The following SET variants were observed in gnomAD, a reference collection of about 807,000 sequenced individuals.
SET encodes SET nuclear proto-oncogene.
In SET, 4 loss-of-function variants were observed where a neutral mutation model predicts 39.0. The observed-to-expected ratio is 0.10, with a 90% CI of 0.05 to 0.23. The LOEUF is 0.23. SET is among the 10% of genes least tolerant of loss of function. SET has a pLI of 1.00. For missense variants in SET, 137 were observed against 329.7 expected (o/e 0.42, Z 4.53); for synonymous variants, 114 against 115.9 (o/e 0.98, Z 0.11).
Position 128,693,957 on chromosome 9 carries a change from A to T in SET, c.725A>T (p.Glu242Val), listed in dbSNP as rs1294476257. Residue 242 changes from glutamate to valine, a missense_variant, in exon 7 of 8, where the codon GAG becomes GTG. Glu to Val is a moderately radical substitution (Grantham distance 121, BLOSUM62 -2). Around this residue, in one of 3 missense-constraint regions of SET, gnomAD observed 44 missense variants for 63.0 expected, o/e 0.70. Coordinates refer to ENST00000322030, the MANE Select transcript of SET (RefSeq NM_003011.4). ...GEEDDDDDEE[E>V]EGLEDIDEEG... ...GAAGATGATGATGATGATGAAGAGGAGGAAGGATTAGAAGATATTGACGAA... is the reference window on the plus strand; with the variant it reads ...GAAGATGATGATGATGATGAAGAGGTGGAAGGATTAGAAGATATTGACGAA... 8 of 1,549,740 alleles carry T rather than the reference A, an allele frequency of 5.2e-6. No individual in the cohort carries two copies. In the Admixed American group the frequency reaches 1.3e-4, roughly 26 times the overall value.
At chr9:128,692,419 A>C (rs993187639) in intron 3 of SET, 11 of 262,810 alleles carry the variant, frequency 4.2e-5, no homozygotes, top group African/African-American at 2.6e-4. Flanking sequence ...AAAAAAAAAA[A>C]AAACCTCAAA....
Position 128,694,958 on chromosome 9 carries a change from A to T in SET, c.*294A>T, listed in dbSNP as rs1017393152. 2.0e-5 allele frequency: 6 copies of T among 294,662 alleles called. No homozygotes were observed. Among genetic ancestry groups the T allele is most frequent in the Non-Finnish European group, 3.8e-5 (6 of 159,960 alleles). The allele number at this position is 294,662 out of a possible 1,614,324, so 18.3% of individuals were successfully genotyped here. On this transcript the variant is annotated 3_prime_UTR_variant, in exon 8 of 8. Coordinates refer to ENST00000322030, the MANE Select transcript of SET (RefSeq NM_003011.4). ...ACACCACCGAGCTCTGTGGGAAAAA[A>T]GAAAAACCTGCTCCCTTCGCTCTGC...
In SET at chr9:128,696,022, C is replaced by T. The variant is rs1249507754; in HGVS notation, c.*1358C>T. 8.9e-6 allele frequency: 2 copies of T among 225,520 alleles called. No individual in the cohort carries two copies. Among genetic ancestry groups the T allele is most frequent in the Non-Finnish European group, 1.8e-5 (2 of 112,564 alleles). The allele number at this position is 225,520 out of a possible 1,614,324, so 14.0% of individuals were successfully genotyped here. A position where few individuals can be genotyped will look rare whatever the true frequency, so the allele number is the denominator to read the frequency against. On this transcript the variant is annotated 3_prime_UTR_variant, in exon 8 of 8. Coordinates refer to ENST00000322030, the MANE Select transcript of SET (RefSeq NM_003011.4). Reference sequence around the variant, plus strand: ...AAGTCTGATGGTGAGCAGTAACTGTCCCTGCTTTCTGGTATAAAGCTCTCA... The same window carrying T: ...AAGTCTGATGGTGAGCAGTAACTGTTCCTGCTTTCTGGTATAAAGCTCTCA...
chr9:128,690,044 C>G, intron 1 of SET: 1 of 999,584 alleles, frequency 1.0e-6, no homozygotes, highest in Non-Finnish European at 1.2e-6. Context: ...CGGACGCGGC[C>G]CCGCGCCCGA....
At chr9:128,693,143 G>A (rs1203578421) in intron 5 of SET, among the ~76,000 whole-genome samples, 162 bp downstream of exon 5, 1 of 152,074 alleles carries the variant, frequency 6.6e-6, no homozygotes, top group African/African-American at 2.4e-5. Flanking sequence ...GTAGTTTAGG[G>A]TTCTCATTAG....
chr9:128,689,984 G>A, intron 1 of SET: 1 of 948,934 alleles, frequency 1.1e-6, no homozygotes, highest in Non-Finnish European at 1.3e-6. Context: ...ATTGTGCTCC[G>A]CCATGATGCC....
At chr9:128,688,680 C>A (rs1158925681), upstream of SET, among the ~76,000 whole-genome samples, 1 of 152,212 alleles carries the variant, frequency 6.6e-6, no homozygotes, top group Non-Finnish European at 1.5e-5. Flanking sequence ...GACTAAAACC[C>A]AGGAATGGCC....
Position 128,696,053 on chromosome 9 carries a change from G to A in SET, c.*1389G>A. On this transcript the variant is annotated 3_prime_UTR_variant, in exon 8 of 8. Transcript: ENST00000322030. ...TTTCTGGTATAAAGCTCTCAAATGT[G>A]ACCATGTGAATCTGGGTGGGATAAT... 4.5e-6 allele frequency: 1 copy of A among 224,204 alleles called. No homozygotes were observed. The highest frequency in any genetic ancestry group is 9.0e-6 in the Non-Finnish European group (1 of 111,578). The allele number at this position is 224,204 out of a possible 1,614,324, so 13.9% of individuals were successfully genotyped here.
At chr9:128,686,599 A>G (rs1248957547), upstream of SET, among the ~76,000 whole-genome samples, 4 of 152,180 alleles carry the variant, frequency 2.6e-5, no homozygotes, top group Non-Finnish European at 5.9e-5. Flanking sequence ...TTAGAATCAC[A>G]TCACCCTTGG....
At chr9:128,685,023 G>A, upstream of SET, 4 of 1,479,364 alleles carry the variant, frequency 2.7e-6, no homozygotes, top group Non-Finnish European at 3.6e-6. Context: ...GTGTGGATAG[G>A]CCCAGGGCCT....
rs929131530 is a variant in SET, at chr9:128,694,179, C to A, written c.810+137C>A. On this transcript the variant is annotated intron_variant, in intron 7 of 7. Transcript: ENST00000322030. ...AAAAAAAGTAAGCCATTTTGTTGTT[C>A]AAGAATTAAGGAAATGTTTGATAAG... is the stretch of plus-strand genomic sequence containing the variant. 3 of 847,286 alleles carry A rather than the reference C, an allele frequency of 3.5e-6. No homozygotes were observed. The African/African-American group carries it at 5.2e-5, about 15-fold the overall frequency. 52.5% of individuals were successfully genotyped at this position (847,286 alleles called of 1,614,324 possible).
chr9:128,688,658 G>T (rs1861371290), upstream of SET, among the ~76,000 whole-genome samples: 1 of 152,234 alleles, frequency 6.6e-6, no homozygotes, highest in Non-Finnish European at 1.5e-5. Context: ...CAAGCTTGCT[G>T]GGCAGGGCTT....
At chr9:128,685,295 G>A (rs750219555), upstream of SET, 84 of 1,184,212 alleles carry the variant, frequency 7.1e-5, no homozygotes, top group Non-Finnish European at 9.6e-5. Context: ...CTTGCTGTGA[G>A]TCTGAAATCT....
At position 128,690,925 on chromosome 9, in the gene SET, A is replaced by G. The variant is rs894785663; in HGVS notation, c.74-245A>G. ...TTAATGATCGGTCTGTTGTAGTGAA[A>G]CTCTTTAAAAAGGCGCTATAGAAAA... On this transcript the variant is annotated intron_variant, in intron 1 of 7. Coordinates refer to ENST00000322030, the MANE Select transcript of SET (RefSeq NM_003011.4). The G allele has an allele frequency of 9.0e-6, 5 of 552,982 alleles. No homozygotes were observed. The African/African-American group carries it at 9.5e-5, about 10-fold the overall frequency. 34.3% of individuals were successfully genotyped at this position (552,982 alleles called of 1,614,324 possible). A position where few individuals can be genotyped will look rare whatever the true frequency, so the allele number is the denominator to read the frequency against.
chr9:128,687,562 G>A (rs944601606), upstream of SET, among the ~76,000 whole-genome samples: 3 of 147,826 alleles, frequency 2.0e-5, no homozygotes, highest in Admixed American at 1.4e-4. Flanking sequence ...GAGCTGAGAT[G>A]GCACCACTGC....
chr9:128,684,104 T>TA, intron 1 of SET: 1 of 951,706 alleles, frequency 1.1e-6, no homozygotes, highest in African/African-American at 1.7e-5. Flanking sequence ...ATGTGACCCC[T>TA]AAGCACCCCC....
upstream of SET, among the ~76,000 whole-genome samples, chr9:128,687,451 T>C (rs541698240): frequency 3.2e-4 from 49 of 151,910 alleles, no homozygotes; most frequent in African/African-American, 1.1e-3. Context: ...TACCAAAAAA[T>C]ACAAAAATTA....
At chr9:128,691,544 G>C (rs932426938) in intron 2 of SET, among the ~76,000 whole-genome samples, 1 of 152,170 alleles carries the variant, frequency 6.6e-6, no homozygotes, top group Non-Finnish European at 1.5e-5. Context: ...TTATGGATTA[G>C]CCACTTTATT....
intron 5 of SET, 113 bp from the exon 6 acceptor site, chr9:128,693,525 G>C (rs918162887): frequency 9.2e-7 from 1 of 1,087,106 alleles, no homozygotes; most frequent in Admixed American, 2.8e-5. Flanking sequence ...AGCGTAGATA[G>C]TATACTGATA....
Sources: allele counts gnomAD v4.1 joint callset (sites outside exome capture counted in the v4.1 genomes callset), GRCh38; gene constraint gnomAD v4.1.1; regional missense constraint gnomAD v4.1.1; transcripts MANE v1.5; gene names NCBI Gene and HGNC (gene_info 2026-07-23, HGNC 2026-07-21).